The following SIPA1L3 variants were observed in gnomAD, a reference collection of about 807,000 sequenced individuals.
The protein encoded by SIPA1L3 is signal induced proliferation associated 1 like 3.
In SIPA1L3, 59 loss-of-function variants were observed where a neutral mutation model predicts 150.1. The observed-to-expected ratio is 0.39, with a 90% CI of 0.32 to 0.49. The LOEUF is 0.49. Among genes scored for constraint, SIPA1L3 ranks in the 20% least tolerant of loss-of-function variants. The probability of loss-of-function intolerance (pLI) is 0.86; values close to 1 mark genes in which losing one functional copy is unlikely to be tolerated. For missense variants in SIPA1L3, 2,211 were observed against 2,489.5 expected (o/e 0.89, Z 2.38); for synonymous variants, 1,070 against 1,077.6 (o/e 0.99, Z 0.14).
chr19:38,099,615 A>G (rs1384734965), intron 4 of SIPA1L3, among the ~76,000 whole-genome samples: 1 of 152,160 alleles, frequency 6.6e-6, no homozygotes, highest in Admixed American at 6.5e-5. Context: ...AGTAGGACTC[A>G]GTGCCTCACA....
At chr19:38,140,917 G>T (rs551266361) in intron 10 of SIPA1L3, among the ~76,000 whole-genome samples, 4 of 151,960 alleles carry the variant, frequency 2.6e-5, no homozygotes, top group Non-Finnish European at 5.9e-5. Context: ...ACTTAGCCGG[G>T]CGTAGTGGCG....
intron 2 of SIPA1L3, among the ~76,000 whole-genome samples, chr19:38,063,621 A>C (rs1969503574): frequency 6.6e-6 from 1 of 152,208 alleles, no homozygotes; most frequent in South Asian, 2.1e-4. Flanking sequence ...CTGTCTTCTA[A>C]AGGAGGCTTG....
At chr19:37,992,359 T>G (rs1302309518) in intron 1 of SIPA1L3, among the ~76,000 whole-genome samples, 1 of 152,124 alleles carries the variant, frequency 6.6e-6, no homozygotes. Context: ...ACAGATAATA[T>G]GATGAATAGG....
At chr19:38,193,396 A>C in intron 17 of SIPA1L3, 141 bp from the exon 18 acceptor site, 4 of 951,692 alleles carry the variant, frequency 4.2e-6, no homozygotes, top group Non-Finnish European at 5.6e-6. Flanking sequence ...GGAGGGAGGG[A>C]GGAAGGAAGG....
rs536146725 is a variant in SIPA1L3 at position 37,986,846 on chromosome 19, T to TC, written c.-378-42243_-378-42242insC. Among the ~76,000 whole-genome samples the TC allele has an allele frequency of 2.2e-4, 33 of 152,324 alleles. No individual in the cohort carries two copies. In the East Asian group the frequency reaches 5.8e-3, roughly 27 times the overall value. On this transcript the variant is annotated intron_variant, in intron 1 of 21. Transcript: ENST00000222345. Reference sequence around the variant, plus strand: ...TTCAGGGGCATTCACAATCACTGAATGTAGCTGAGAACCACCTGGGGGTCG... The same window carrying TC: ...TTCAGGGGCATTCACAATCACTGAATCGTAGCTGAGAACCACCTGGGGGTCG...
At chr19:38,156,501 C>T (rs1971952359) in intron 13 of SIPA1L3, among the ~76,000 whole-genome samples, 1 of 149,862 alleles carries the variant, frequency 6.7e-6, no homozygotes, top group African/African-American at 2.5e-5. Context: ...TACACACACG[C>T]CCACATGGAT....
intron 8 of SIPA1L3, among the ~76,000 whole-genome samples, chr19:38,111,473 A>G (rs576058509): frequency 4.6e-5 from 7 of 152,272 alleles, no homozygotes; most frequent in Admixed American, 1.3e-4. Flanking sequence ...TCTTATTTAT[A>G]GTCTGATTGC....
At chr19:38,040,826 TCTCCG>T (rs766239498) in intron 2 of SIPA1L3, among the ~76,000 whole-genome samples, 2 of 152,220 alleles carry the variant, frequency 1.3e-5, no homozygotes, top group African/African-American at 2.4e-5. Context: ...AGTGGCTCAA[TCTCCG>T]CTCACTGCAA....
chr19:38,106,108 ATTTT>A (rs56305500), intron 6 of SIPA1L3, among the ~76,000 whole-genome samples: 1 of 134,000 alleles, frequency 7.5e-6, no homozygotes, highest in African/African-American at 2.8e-5. Flanking sequence ...AATGTATTTA[ATTTT>A]TTTTTTTTTT....
chr19:38,015,460 A>T (rs1036790864), intron 1 of SIPA1L3, among the ~76,000 whole-genome samples: 2 of 152,126 alleles, frequency 1.3e-5, no homozygotes, highest in African/African-American at 4.8e-5. Context: ...ACGGTGACTC[A>T]TGCCTGTAAT....
At chr19:38,188,473 C>T (rs1045223604) in intron 16 of SIPA1L3, among the ~76,000 whole-genome samples, 2 of 152,038 alleles carry the variant, frequency 1.3e-5, no homozygotes, top group South Asian at 2.1e-4. Flanking sequence ...CGTGAACCAC[C>T]ATGCCAGGCC....
intron 2 of SIPA1L3, among the ~76,000 whole-genome samples, chr19:38,041,273 ATTT>A (rs35807588): frequency 1.4e-5 from 1 of 72,498 alleles, no homozygotes; most frequent in African/African-American, 6.1e-5. Context: ...CGCTCAGCTA[ATTT>A]TTTTTTTTTT....
intron 1 of SIPA1L3, among the ~76,000 whole-genome samples, chr19:37,982,241 G>A (rs940939203): frequency 1.3e-5 from 2 of 152,250 alleles, no homozygotes; most frequent in African/African-American, 4.8e-5. Flanking sequence ...GGCAGAACCA[G>A]TTTCTTCAGG....
intron 11 of SIPA1L3, among the ~76,000 whole-genome samples, chr19:38,141,921 G>A (rs181245005): frequency 3.7e-3 from 569 of 152,316 alleles, no homozygotes; most frequent in African/African-American, 0.013. Flanking sequence ...GTTGGAGGCT[G>A]CAGTGAGCTG....
Position 38,206,181 on chromosome 19 carries a change from G to A in SIPA1L3, c.5287G>A (p.Ala1763Thr), listed in dbSNP as rs1035661989. 8 of 1,555,324 alleles carry A rather than the reference G, an allele frequency of 5.1e-6. No individual in the cohort carries two copies. The highest frequency in any genetic ancestry group is 2.4e-5 in the East Asian group (1 of 41,090). Residue 1763 changes from alanine (A) to threonine (T), a missense_variant, in exon 22 of 22, where the codon GCC becomes ACC. Coordinates refer to ENST00000222345, the MANE Select transcript of SIPA1L3 (RefSeq NM_015073.3). ...GCGGCTGCAGGAGGAGTCGCAGGCCGCCAGCGAGCAGCTGCGCAAGTTTGC... is the reference window on the plus strand; with the variant it reads ...GCGGCTGCAGGAGGAGTCGCAGGCCACCAGCGAGCAGCTGCGCAAGTTTGC... ...NQRLQEESQAASEQLRKFAEI... is the reference protein window; with the variant it reads ...NQRLQEESQATSEQLRKFAEI...
chr19:37,989,601 A>G (rs1967447291), intron 1 of SIPA1L3, among the ~76,000 whole-genome samples: 1 of 151,854 alleles, frequency 6.6e-6, no homozygotes, highest in African/African-American at 2.4e-5. Context: ...TCACTGCCCA[A>G]GGTCTCCCTC....
chr19:37,941,790 T>C (rs937074733), intron 1 of SIPA1L3, among the ~76,000 whole-genome samples: 2 of 152,178 alleles, frequency 1.3e-5, no homozygotes, highest in African/African-American at 4.8e-5. Context: ...CAAGAGGTTT[T>C]TGAGTATTTG....
chr19:38,042,751 A>G (rs943367792), intron 2 of SIPA1L3, among the ~76,000 whole-genome samples: 8 of 152,198 alleles, frequency 5.3e-5, no homozygotes, highest in Admixed American at 3.9e-4. Flanking sequence ...ACCACTCACA[A>G]ATAGCTAGCT....
chr19:38,140,627 G>A (rs1291182590), intron 10 of SIPA1L3, among the ~76,000 whole-genome samples: 2 of 152,118 alleles, frequency 1.3e-5, no homozygotes, highest in Non-Finnish European at 1.5e-5. Flanking sequence ...CAGAGAATTC[G>A]AGTGGGAGGA....
Sources: gnomAD v4.1 joint callset for allele counts (sites outside exome capture counted in the v4.1 genomes callset) on GRCh38, gnomAD v4.1.1 for gene constraint, MANE v1.5 for transcripts, NCBI Gene and HGNC (gene_info 2026-07-23, HGNC 2026-07-21) for gene names.